The following ANKRD11 variants were observed in gnomAD, a reference collection of about 807,000 sequenced individuals.
ANKRD11 encodes ankyrin repeat domain 11.
ANKRD11 carries 17 observed loss-of-function variants against 195.7 expected under a neutral mutation model. That is an observed-to-expected ratio of 0.09 (90% CI 0.06 to 0.13). The LOEUF (loss-of-function observed/expected upper bound fraction) is 0.13. Ranked by LOEUF, ANKRD11 falls within the 10% of genes least tolerant of loss-of-function variation. The pLI, the probability that ANKRD11 is intolerant of heterozygous loss-of-function variation, is 1.00. For synonymous variants in ANKRD11, 1,953 were observed against 1,528.1 expected (o/e 1.28, Z -6.49); for missense variants, 3,735 against 3,566.1 (o/e 1.05, Z -1.21).
At chr16:89,318,651 C>G (rs949818060) in intron 2 of ANKRD11, among the ~76,000 whole-genome samples, 4 of 152,238 alleles carry the variant, frequency 2.6e-5, no homozygotes, top group Non-Finnish European at 5.9e-5. Flanking sequence ...CCCCTGGACG[C>G]AGGCTTGGCT....
In ANKRD11 at chr16:89,280,169, C is replaced by A. The variant is rs764665666; in HGVS notation, c.6373G>T (p.Ala2125Ser). 1 of 1,609,084 alleles carries A rather than the reference C, an allele frequency of 6.2e-7. No individual in the cohort carries two copies. Residue 2125 changes from alanine (A) to serine (S), a missense_variant, in exon 9 of 13, where the codon GCC becomes TCC. Transcript: ENST00000301030. ...AGGTCCAGGTCGTCCTCGGGGCCGGCGAAGGCGTCCGCCCAGGGCACCGGC... is the reference window on the plus strand; with the variant it reads ...AGGTCCAGGTCGTCCTCGGGGCCGGAGAAGGCGTCCGCCCAGGGCACCGGC... Reference protein sequence around the residue: ...VEPVPWADAFAGPEDDLDLGP... With the variant: ...VEPVPWADAFSGPEDDLDLGP...
intron 1 of ANKRD11, among the ~76,000 whole-genome samples, chr16:89,455,823 T>C (rs2056410086): frequency 1.3e-5 from 2 of 152,138 alleles, no homozygotes; most frequent in African/African-American, 2.4e-5. Flanking sequence ...ACTTTGGCAA[T>C]TCCTCAAAAG....
intron 1 of ANKRD11, among the ~76,000 whole-genome samples, chr16:89,462,481 C>T (rs1450235467): frequency 1.3e-5 from 2 of 152,136 alleles, no homozygotes; most frequent in Non-Finnish European, 2.9e-5. Context: ...AACCTCTGCC[C>T]GGCCGCCACC....
chr16:89,301,361 ATATGAATGC>A (rs1180518748), intron 4 of ANKRD11: 1 of 393,718 alleles, frequency 2.5e-6, no homozygotes, highest in African/African-American at 2.1e-5. Flanking sequence ...ATATAATTTA[ATATGAATGC>A]TTTCAGTGAT....
At chr16:89,317,116 G>C (rs768466561) in intron 2 of ANKRD11, 38 bp from the exon 3 acceptor site, 96 of 1,379,230 alleles carry the variant, frequency 7.0e-5, no homozygotes, top group Non-Finnish European at 9.5e-5. Context: ...TGAATTCAGA[G>C]GCAGCTCAAA....
At position 89,357,559 on chromosome 16, in the gene ANKRD11, C is replaced by G. The variant is rs142544457; in HGVS notation, c.-59-40481G>C. ...AACTGAAAGCAGGGCCCCCAAAAGA[C>G]AGTTGTACTTCGACGTTCACAGTTC... On this transcript the variant is annotated intron_variant, in intron 2 of 12. Transcript: ENST00000301030. Among the ~76,000 whole-genome samples the G allele has an allele frequency of 5.2e-3, 786 of 152,342 alleles. 5 individuals are homozygous for G. The highest frequency in any genetic ancestry group is 0.018 in the African/African-American group (761 of 41,580).
chr16:89,420,635 TGACA>T (rs1168981814), intron 1 of ANKRD11, among the ~76,000 whole-genome samples: 10 of 152,350 alleles, frequency 6.6e-5, no homozygotes, highest in Admixed American at 3.3e-4. Flanking sequence ...TCTTTCTGAC[TGACA>T]GACAATCTCA....
chr16:89,361,768 G>C (rs958993936), intron 2 of ANKRD11: 1 of 152,114 alleles, frequency 6.6e-6, no homozygotes, highest in Non-Finnish European at 1.5e-5. Flanking sequence ...ATGTCTCTAA[G>C]GACTAAGGGA....
chr16:89,489,582 G>A (rs1278185202), intron 1 of ANKRD11, among the ~76,000 whole-genome samples: 1 of 151,724 alleles, frequency 6.6e-6, no homozygotes, highest in Non-Finnish European at 1.5e-5. Context: ...ATAATAATAG[G>A]GACGCTGAGA....
At chr16:89,434,640 C>A (rs1253527338) in intron 1 of ANKRD11, among the ~76,000 whole-genome samples, 1 of 152,224 alleles carries the variant, frequency 6.6e-6, no homozygotes, top group Admixed American at 6.5e-5. Context: ...CAGATGTCTC[C>A]TGAGGTCCAA....
chr16:89,450,067 C>A (rs1413566699), intron 1 of ANKRD11, among the ~76,000 whole-genome samples: 2 of 152,168 alleles, frequency 1.3e-5, no homozygotes, highest in Admixed American at 6.5e-5. Flanking sequence ...CCAGTGACTT[C>A]AGGATTTGCA....
At chr16:89,476,074 A>G (rs1259754510) in intron 1 of ANKRD11, among the ~76,000 whole-genome samples, 2 of 151,932 alleles carry the variant, frequency 1.3e-5, no homozygotes, top group African/African-American at 4.8e-5. Context: ...AAAGAAAAAG[A>G]AAACAACTGA....
intron 2 of ANKRD11, among the ~76,000 whole-genome samples, chr16:89,341,469 T>TG (rs2038656244): frequency 1.3e-5 from 2 of 152,180 alleles, no homozygotes; most frequent in Non-Finnish European, 2.9e-5. Context: ...AGAAGGCCTG[T>TG]GTGGGCTGCT....
chr16:89,295,487 C>T (rs552488212), intron 4 of ANKRD11, among the ~76,000 whole-genome samples: 3 of 152,240 alleles, frequency 2.0e-5, no homozygotes, highest in Non-Finnish European at 2.9e-5. Flanking sequence ...GAAGATTCCA[C>T]GGAACCCTCT....
rs371295123 is a variant in ANKRD11, at chr16:89,280,950, A to G, written c.5592T>C (p.Ala1864=). 3.5e-5 allele frequency: 56 copies of G among 1,579,234 alleles called. No homozygotes were observed. The highest frequency in any genetic ancestry group is 4.4e-5 in the Non-Finnish European group (51 of 1,159,758). ...CAACGGCAGCCGGTGGGCAGTGCAA[A>G]GCGTCGACTTTGGGCGACGGGAGGC... The part of the protein sequence containing the change: ...DYGLPSPKVD[A]LHCPPAAVVT... Residue 1864 remains alanine, a synonymous_variant, in exon 9 of 13, where the codon GCT becomes GCC. Transcript: ENST00000301030.
At chr16:89,414,111 GGCGCACGATCGCACCT>G (rs2042204997) in intron 2 of ANKRD11, among the ~76,000 whole-genome samples, 5 of 152,182 alleles carry the variant, frequency 3.3e-5, no homozygotes, top group Admixed American at 3.3e-4. Flanking sequence ...GGGACACTGA[GGCGCACGATCGCACCT>G]GCCTTACAAG....
chr16:89,370,121 AC>A (rs1240186702), intron 2 of ANKRD11, among the ~76,000 whole-genome samples: 1 of 152,238 alleles, frequency 6.6e-6, no homozygotes, highest in Non-Finnish European at 1.5e-5. Context: ...CTGCTGTTCA[AC>A]TGGAAAAGGA....
rs267604681 is a variant in ANKRD11 at position 89,281,369 on chromosome 16, G to A, written c.5173C>T (p.Pro1725Ser). Residue 1725 changes from proline to serine, a missense_variant, in exon 9 of 13, where the codon CCG (proline) becomes TCG (serine). Coordinates refer to ENST00000301030, the MANE Select transcript of ANKRD11 (RefSeq NM_013275.6). This position sits in a 1 kb window ranked among gnomAD's most constrained non-coding sequence, Gnocchi z 5.5. ...GCGTAGTCATCGGCGCTGCAGGACGGGGTCCTGGGCGTGTGCATCACCTCC... is the reference window on the plus strand; with the variant it reads ...GCGTAGTCATCGGCGCTGCAGGACGAGGTCCTGGGCGTGTGCATCACCTCC... ...YEEVMHTPRTPSCSADDYADL... is the reference protein window; with the variant it reads ...YEEVMHTPRTSSCSADDYADL... 6.2e-7 allele frequency: 1 copy of A among 1,610,220 alleles called. No homozygotes were observed. The highest frequency in any genetic ancestry group is 8.5e-7 in the Non-Finnish European group (1 of 1,176,936).
chr16:89,432,320 C>G (rs971466991), intron 1 of ANKRD11, among the ~76,000 whole-genome samples: 1 of 151,576 alleles, frequency 6.6e-6, no homozygotes, highest in Non-Finnish European at 1.5e-5. Context: ...GCTTCCACTC[C>G]TACATGGGAC....
Sources: gnomAD v4.1 joint callset for allele counts (sites outside exome capture counted in the v4.1 genomes callset) on GRCh38, gnomAD v4.1.1 for gene constraint, Gnocchi (gnomAD v3.1) non-coding constraint, MANE v1.5 for transcripts, NCBI Gene and HGNC (gene_info 2026-07-23, HGNC 2026-07-21) for gene names.